The following AGAP6 variants were observed in gnomAD, a reference collection of about 807,000 sequenced individuals.
AGAP6 encodes the protein arf-GAP with GTPase, ANK repeat and PH domain-containing protein 6.
A neutral mutation model predicts 63.9 loss-of-function variants in AGAP6; 29 were observed. The observed-to-expected ratio is 0.45, with a 90% CI of 0.34 to 0.62. The LOEUF is 0.62. AGAP6 is among the 20% of genes least tolerant of loss of function. AGAP6 has a pLI of 0.01. For synonymous variants in AGAP6, 199 were observed against 332.9 expected, an observed-to-expected ratio of 0.60 and a Z score of 4.38; for missense variants, 493 against 884.9, an observed-to-expected ratio of 0.56 and a Z score of 5.62.
chr10:49,991,751 C>T lies in AGAP6; in HGVS notation c.361+7C>T, dbSNP rs534769052. 9.1e-5 allele frequency: 145 copies of T among 1,598,210 alleles called. No homozygotes were observed. In the East Asian group the frequency reaches 2.2e-3, roughly 24 times the overall value. Reference sequence around the variant, plus strand: ...AGGAACTCTCAAACAGATGGTGAGACGACATTGTCTTTTCCACCAAGAGAA... The same window carrying T: ...AGGAACTCTCAAACAGATGGTGAGATGACATTGTCTTTTCCACCAAGAGAA... On this transcript the variant is annotated splice_region_variant and intron_variant, in intron 3 of 7. Coordinates refer to ENST00000412531, the MANE Select transcript of AGAP6 (RefSeq NM_001077665.3).
At position 50,009,047 on chromosome 10, in the gene AGAP6, T is replaced by C. The variant is rs1842017032; in HGVS notation, c.922T>C (p.Cys308Arg). The C allele has an allele frequency of 6.2e-7, 1 of 1,613,538 alleles. No homozygotes were observed. Among genetic ancestry groups the C allele is most frequent in the African/African-American group, 1.3e-5 (1 of 74,912 alleles). The change falls in exon 8 of 8, where the codon TGT (cysteine) becomes CGT (arginine). Residue 308 changes from cysteine to arginine, a missense_variant. Physicochemically the swap from Cys to Arg is radical, Grantham distance 180. This residue lies in a region of AGAP6 where 342 missense variants were observed against 533.4 expected (regional missense o/e 0.64). Coordinates refer to ENST00000412531, the MANE Select transcript of AGAP6 (RefSeq NM_001077665.3). ...KTWKKKYVTL[C>R]SNGMLTYYSS... ...ATGGAAAAAGAAATACGTCACCCTG[T>C]GTTCCAATGGCATGCTCACCTATTA... is the stretch of plus-strand genomic sequence containing the variant.
At chr10:49,997,254 A>C (rs1288638660) in intron 4 of AGAP6, among the ~76,000 whole-genome samples, 18 of 152,050 alleles carry the variant, frequency 1.2e-4, no homozygotes, top group Non-Finnish European at 2.4e-4. Flanking sequence ...CTGAATGCCC[A>C]AAGTGTTAGA....
chr10:49,990,306 G>A (rs1283307312), intron 2 of AGAP6, among the ~76,000 whole-genome samples: 6 of 152,128 alleles, frequency 3.9e-5, no homozygotes, highest in African/African-American at 7.2e-5. Context: ...TTAGCTGGGC[G>A]TAGTGGCGCA....
In AGAP6 at chr10:49,999,007, C is replaced by T. The variant is rs1481143230; in HGVS notation, c.397-2989C>T. Among the ~76,000 whole-genome samples the T allele has an allele frequency of 2.1e-5, 3 of 140,004 alleles. 1 individual carries two copies. In the South Asian group the frequency reaches 7.2e-4, roughly 34 times the overall value. The allele number at this position is 140,004 out of a possible 152,430, so 91.8% of individuals were successfully genotyped here. ...GGGAGACGGATCATGAGGTCAGGAG[C>T]GGGAGACGGATCATGAGGTCAGGAG... On this transcript the variant is annotated intron_variant, in intron 4 of 7. Coordinates refer to ENST00000412531, the MANE Select transcript of AGAP6 (RefSeq NM_001077665.3).
Position 50,001,342 on chromosome 10 carries a change from ATTAAT to A in AGAP6, c.397-652_397-648del, listed in dbSNP as rs1272884228. On this transcript the variant is annotated intron_variant, in intron 4 of 7. Coordinates refer to ENST00000412531, the MANE Select transcript of AGAP6 (RefSeq NM_001077665.3). ...GAGACTCCGTCTCAAAAATAAATAAATTAATTAATTAATTAATAGAAATTCTCAGC... is the reference window on the plus strand; with the variant it reads ...GAGACTCCGTCTCAAAAATAAATAAATAATTAATTAATAGAAATTCTCAGC... Among the ~76,000 whole-genome samples, 27 of 145,186 alleles carry A rather than the reference ATTAAT, an allele frequency of 1.9e-4. 1 individual carries two copies. In the East Asian group the frequency reaches 2.4e-3, roughly 13 times the overall value.
Position 50,009,303 on chromosome 10 carries a change from C to T in AGAP6, c.1178C>T (p.Pro393Leu). 1 of 1,614,198 alleles carries T rather than the reference C, an allele frequency of 6.2e-7. No homozygotes were observed. The highest frequency in any genetic ancestry group is 8.5e-7 in the Non-Finnish European group (1 of 1,180,044). Residue 393 changes from proline to leucine, a missense_variant, in exon 8 of 8, where the codon CCC becomes CTC. Pro to Leu is a moderately conservative substitution (Grantham distance 98). Around this residue, in one of 7 missense-constraint regions of AGAP6, gnomAD observed 342 missense variants for 533.4 expected, o/e 0.64. Transcript: ENST00000412531. ...STTSPKLNPP[P>L]SPHANKKKHL... ...ACCAGCCCCAAGCTCAACCCGCCCC[C>T]CTCTCCTCATGCTAATAAAAAGAAA...
At chr10:50,007,226 T>C (rs1251899545) in intron 6 of AGAP6, among the ~76,000 whole-genome samples, 4 of 147,656 alleles carry the variant, frequency 2.7e-5, no homozygotes, top group African/African-American at 1.0e-4. Flanking sequence ...ACCACATCTC[T>C]ACTAAAAATA....
At position 49,988,493 on chromosome 10, in the gene AGAP6, G is replaced by A. The variant is rs1202321025; in HGVS notation, c.-223G>A. On this transcript the variant is annotated 5_prime_UTR_variant, in exon 1 of 8. Transcript: ENST00000412531. ...AAGCCGGCTGGTCTTCACCCTCCCAGACAAGTCAACTCAGGGGAGGCAGCA... is the reference window on the plus strand; with the variant it reads ...AAGCCGGCTGGTCTTCACCCTCCCAAACAAGTCAACTCAGGGGAGGCAGCA... 62 of 1,435,158 alleles carry A rather than the reference G, an allele frequency of 4.3e-5. No individual in the cohort carries two copies. The highest frequency in any genetic ancestry group is 5.5e-5 in the Non-Finnish European group (60 of 1,100,204). 88.9% of individuals were successfully genotyped at this position (1,435,158 alleles called of 1,614,324 possible).
chr10:50,008,839 C>T lies in AGAP6; in HGVS notation c.714C>T (p.Asn238=). The change falls in exon 8 of 8, where the codon AAC becomes AAT. Residue 238 remains asparagine (N), a synonymous_variant. Transcript: ENST00000412531. ...AGTTCAGTGTTCCTCCCACTGCCAA[C>T]ACACCCACGCCCGTTTGCAAGCGGT... The part of the protein sequence containing the change: ...DPQFSVPPTA[N]TPTPVCKRSM... 6 of 1,614,112 alleles carry T rather than the reference C, an allele frequency of 3.7e-6. No individual in the cohort carries two copies. The highest frequency in any genetic ancestry group is 1.3e-5 in the African/African-American group (1 of 75,040).
rs373362043 is a variant in AGAP6, at chr10:49,991,670, A to C, written c.293-6A>C. On this transcript the variant is annotated splice_polypyrimidine_tract_variant and splice_region_variant and intron_variant, in intron 2 of 7. Coordinates refer to ENST00000412531, the MANE Select transcript of AGAP6 (RefSeq NM_001077665.3). ...CTTTTTTTCTTTTCTTCCTCTGTGC[A>C]TATAGCTTTGGAGTTTAACCCTTCT... 5 of 1,598,490 alleles carry C rather than the reference A, an allele frequency of 3.1e-6. No individual in the cohort carries two copies. The highest frequency in any genetic ancestry group is 4.2e-6 in the Non-Finnish European group (5 of 1,179,704).
At chr10:49,992,761 A>C (rs1329177054) in intron 3 of AGAP6, among the ~76,000 whole-genome samples, 1 of 148,978 alleles carries the variant, frequency 6.7e-6, no homozygotes, top group Non-Finnish European at 1.5e-5. Context: ...AAGGTACCAC[A>C]CTTTTTTTTT....
intron 2 of AGAP6, among the ~76,000 whole-genome samples, chr10:49,991,354 G>C (rs1452163900): frequency 3.4e-5 from 5 of 146,830 alleles, no homozygotes; most frequent in East Asian, 2.0e-4. Flanking sequence ...GTTGATTTTA[G>C]ACAACTCAAA....
chr10:49,995,528 C>G (rs189042115), intron 4 of AGAP6, among the ~76,000 whole-genome samples: 1 of 152,152 alleles, frequency 6.6e-6, no homozygotes, highest in African/African-American at 2.4e-5. Flanking sequence ...ACATCTGTTT[C>G]TTTTTATGTG....
intron 5 of AGAP6, 70 bp from the exon 6 acceptor site, chr10:50,004,615 C>G (rs1841836693): frequency 1.3e-6 from 1 of 794,794 alleles, no homozygotes; most frequent in East Asian, 2.7e-5. Flanking sequence ...CTCTGCCCCC[C>G]TTTTAAAAAA....
chr10:49,992,419 T>A (rs1354315370), intron 3 of AGAP6, among the ~76,000 whole-genome samples: 1 of 152,024 alleles, frequency 6.6e-6, no homozygotes, highest in African/African-American at 2.4e-5. Context: ...CAAGTGAGGG[T>A]TCTATAATAA....
Position 50,009,992 on chromosome 10 carries a change from G to A in AGAP6, c.1867G>A (p.Asp623Asn). 6.2e-7 allele frequency: 1 copy of A among 1,611,942 alleles called. No individual in the cohort carries two copies. Among genetic ancestry groups the A allele is most frequent in the Non-Finnish European group, 8.5e-7 (1 of 1,179,850 alleles). The change falls in exon 8 of 8, where the codon GAC becomes AAC. Residue 623 changes from aspartate (D) to asparagine (N), a missense_variant. Asp to Asn is a conservative substitution (Grantham distance 23). Transcript: ENST00000412531. ...EEVNETCGEG[D>N]GCTALHLACR... is the part of the protein sequence containing the mutation. ...GGTGAACGAGACCTGTGGGGAGGGA[G>A]ACGGCTGCACGGCGCTCCATCTGGC...
intron 6 of AGAP6, among the ~76,000 whole-genome samples, chr10:50,006,120 T>C (rs1272684686): frequency 2.0e-5 from 3 of 152,136 alleles, no homozygotes; most frequent in Non-Finnish European, 4.4e-5. Flanking sequence ...CATTGATCTT[T>C]CTTGCACAGT....
At chr10:49,989,028 C>T in intron 1 of AGAP6, 90 bp downstream of exon 1, 1 of 1,597,268 alleles carries the variant, frequency 6.3e-7, no homozygotes, top group Non-Finnish European at 8.5e-7. Flanking sequence ...ACACTTCGAG[C>T]TCCTTTCTGC....
intron 2 of AGAP6, among the ~76,000 whole-genome samples, chr10:49,990,828 A>G (rs1466284606): frequency 3.3e-5 from 5 of 152,216 alleles, no homozygotes; most frequent in African/African-American, 9.7e-5. Context: ...TGGAAGTACT[A>G]TCTTCACATT....
Sources: gnomAD v4.1 joint callset for allele counts (sites outside exome capture counted in the v4.1 genomes callset) on GRCh38, gnomAD v4.1.1 for gene constraint, gnomAD v4.1.1 regional missense constraint, MANE v1.5 for transcripts, NCBI Gene and HGNC (gene_info 2026-07-23, HGNC 2026-07-21) for gene names.